DCC: variants seen among roughly 807,000 people sequenced by gnomAD.
DCC encodes the protein netrin receptor DCC.
A neutral mutation model predicts 172.5 loss-of-function variants in DCC; 58 were observed. That is an observed-to-expected ratio of 0.34 (90% confidence interval 0.27 to 0.42). The LOEUF (loss-of-function observed/expected upper bound fraction) is 0.42. DCC is among the 10% of genes least tolerant of loss of function. The pLI is 1.00. For synonymous variants in DCC, 709 were observed against 644.5 expected, an observed-to-expected ratio of 1.10 and a Z score of -1.52; for missense variants, 1,740 against 1,791.0, an observed-to-expected ratio of 0.97 and a Z score of 0.51.
At chr18:53,319,102 C>G (rs1358469323) in intron 13 of DCC, among the ~76,000 whole-genome samples, 1 of 151,998 alleles carries the variant, frequency 6.6e-6, no homozygotes, top group Non-Finnish European at 1.5e-5. Flanking sequence ...TACAAGAGCT[C>G]CTGAAGGAAG....
chr18:53,043,652 G>T (rs1395666750), intron 5 of DCC, among the ~76,000 whole-genome samples: 3 of 151,854 alleles, frequency 2.0e-5, no homozygotes, highest in Non-Finnish European at 4.4e-5. Flanking sequence ...AGTTTTGGAA[G>T]TCATTTGGTT....
At chr18:53,530,227 A>T (rs2046510628) in intron 28 of DCC, 1 of 656,524 alleles carries the variant, frequency 1.5e-6, no homozygotes, top group Non-Finnish European at 2.7e-6. Flanking sequence ...CATTTTATAG[A>T]TGAAGAAAAT....
At chr18:52,961,121 C>T (rs996701403) in intron 5 of DCC, among the ~76,000 whole-genome samples, 1 of 151,924 alleles carries the variant, frequency 6.6e-6, no homozygotes, top group African/African-American at 2.4e-5. Context: ...TAAAGAAAGG[C>T]CCGGTGTGGG....
chr18:52,433,758 ATAAT>A lies in DCC; in HGVS notation c.91+92884_91+92887del, dbSNP rs1471458125. Among the ~76,000 whole-genome samples the A allele has an allele frequency of 2.6e-5, 4 of 152,342 alleles. 1 individual carries two copies. The highest frequency in any genetic ancestry group is 2.6e-4 in the Admixed American group (4 of 15,296). Reference sequence around the variant, plus strand: ...TGATTATTTCATTTTGTTATCAATAATAATTAACGCTTTTATACATGGGAAGTCC... The same window carrying A: ...TGATTATTTCATTTTGTTATCAATAATAACGCTTTTATACATGGGAAGTCC... On this transcript the variant is annotated intron_variant, in intron 1 of 28. Transcript: ENST00000442544.
chr18:52,668,924 C>T (rs1048207305), intron 1 of DCC, among the ~76,000 whole-genome samples: 1 of 152,196 alleles, frequency 6.6e-6, no homozygotes, highest in Admixed American at 6.5e-5. Flanking sequence ...TCACCCTGTC[C>T]GCTGCCTAGC....
intron 8 of DCC, 139 bp from the exon 9 acceptor site, chr18:53,178,823 C>CAA (rs1169405293): frequency 9.9e-6 from 8 of 809,330 alleles, no homozygotes; most frequent in Non-Finnish European, 1.7e-5. Context: ...AGTCTGAGGT[C>CAA]TTGAATTATG....
chr18:52,523,208 A>G (rs1443198180), intron 1 of DCC, among the ~76,000 whole-genome samples: 3 of 152,120 alleles, frequency 2.0e-5, no homozygotes, highest in East Asian at 1.9e-4. Context: ...TCAACTTTAT[A>G]TAAGAAGCAG....
intron 5 of DCC, among the ~76,000 whole-genome samples, chr18:52,949,762 T>C (rs34591345): frequency 3.3e-5 from 5 of 152,358 alleles, no homozygotes; most frequent in Middle Eastern, 3.4e-3. Context: ...TCTCAGATTA[T>C]AACATCTTGG....
intron 1 of DCC, among the ~76,000 whole-genome samples, chr18:52,514,014 C>T (rs1420917014): frequency 1.3e-5 from 2 of 152,046 alleles, no homozygotes; most frequent in African/African-American, 4.8e-5. Flanking sequence ...CTTATTACTT[C>T]CACAAGATAG....
intron 15 of DCC, among the ~76,000 whole-genome samples, chr18:53,349,904 G>A (rs955837955): frequency 6.6e-6 from 1 of 152,100 alleles, no homozygotes; most frequent in African/African-American, 2.4e-5. Flanking sequence ...TGCAAAAATA[G>A]AATTTTAAAG....
chr18:52,542,797 C>T (rs907724282), intron 1 of DCC, among the ~76,000 whole-genome samples: 22 of 151,972 alleles, frequency 1.4e-4, no homozygotes, highest in African/African-American at 5.3e-4. Flanking sequence ...TGAGATAGTG[C>T]CATTGCACTC....
intron 1 of DCC, among the ~76,000 whole-genome samples, chr18:52,546,844 T>C (rs1036112597): frequency 1.3e-5 from 2 of 152,108 alleles, no homozygotes; most frequent in African/African-American, 4.8e-5. Flanking sequence ...AGATGGGAAC[T>C]GCATGTAGCT....
intron 8 of DCC, among the ~76,000 whole-genome samples, chr18:53,162,927 G>A (rs1403141225): frequency 1.3e-5 from 2 of 152,122 alleles, no homozygotes; most frequent in African/African-American, 2.4e-5. Flanking sequence ...ACAGTGCTTA[G>A]CACATTATAG....
At chr18:53,258,298 G>A (rs2056548752) in intron 12 of DCC, among the ~76,000 whole-genome samples, 1 of 151,896 alleles carries the variant, frequency 6.6e-6, no homozygotes, top group Non-Finnish European at 1.5e-5. Context: ...TTTTAATTGT[G>A]ATGTTAGGGT....
At chr18:53,394,252 C>T (rs1034048200) in intron 17 of DCC, among the ~76,000 whole-genome samples, 5 of 152,196 alleles carry the variant, frequency 3.3e-5, no homozygotes, top group African/African-American at 1.2e-4. Flanking sequence ...AATATCCATA[C>T]TTACTGTAAA....
rs1011382014 is a variant in DCC, at chr18:53,420,473, A to G, written c.3163+4317A>G. ...GCTTGGGTTGTCAATACAAAACGCTATATACTGGGTGGGTTAAACAACAGA... is the reference window on the plus strand; with the variant it reads ...GCTTGGGTTGTCAATACAAAACGCTGTATACTGGGTGGGTTAAACAACAGA... On this transcript the variant is annotated intron_variant, in intron 21 of 28. Transcript: ENST00000442544. Among the ~76,000 whole-genome samples, 14 of 152,162 alleles carry G rather than the reference A, an allele frequency of 9.2e-5. 1 individual carries two copies. The highest frequency in any genetic ancestry group is 8.3e-4 in the South Asian group (4 of 4,834).
intron 7 of DCC, among the ~76,000 whole-genome samples, chr18:53,153,919 A>G (rs1034075531): frequency 6.6e-6 from 1 of 152,050 alleles, no homozygotes; most frequent in African/African-American, 2.4e-5. Flanking sequence ...GTTGTTCCCC[A>G]CTCTCTCTTC....
chr18:52,475,996 C>T (rs1004475939), intron 1 of DCC, among the ~76,000 whole-genome samples: 1 of 152,142 alleles, frequency 6.6e-6, no homozygotes, highest in African/African-American at 2.4e-5. Context: ...GCTGCATGCA[C>T]TATTTTGGAA....
intron 1 of DCC, among the ~76,000 whole-genome samples, chr18:52,474,224 G>C (rs975103707): frequency 7.9e-6 from 1 of 127,102 alleles, no homozygotes; most frequent in Non-Finnish European, 1.8e-5. Context: ...GAGAGAGAGA[G>C]AGAGAGAGAG....
Sources: allele counts gnomAD v4.1 joint callset (sites outside exome capture counted in the v4.1 genomes callset), GRCh38; gene constraint gnomAD v4.1.1; transcripts MANE v1.5; gene names NCBI Gene and HGNC (gene_info 2026-07-23, HGNC 2026-07-21).